The following NSMAF variants were observed in gnomAD, a reference collection of about 807,000 sequenced individuals.
The protein encoded by NSMAF is protein FAN.
NSMAF carries 90 observed loss-of-function variants against 134.9 expected under a neutral mutation model. That is an observed-to-expected ratio of 0.67 (90% CI 0.56 to 0.79). NSMAF has a LOEUF of 0.79. Among genes scored for constraint, NSMAF ranks in the 30% least tolerant of loss-of-function variants. The probability of loss-of-function intolerance (pLI) is 0.00; values close to 1 mark genes in which losing one functional copy is unlikely to be tolerated. For missense variants in NSMAF, 1,010 were observed against 1,119.0 expected, an observed-to-expected ratio of 0.90 and a Z score of 1.39; for synonymous variants, 358 against 389.6, an observed-to-expected ratio of 0.92 and a Z score of 0.96.
chr8:58,600,545 C>T (rs1046131282), intron 16 of NSMAF, among the ~76,000 whole-genome samples: 1 of 149,052 alleles, frequency 6.7e-6, no homozygotes, highest in South Asian at 2.1e-4. Context: ...ATCGCTTGAA[C>T]CCGAGGCGGA....
intron 28 of NSMAF, among the ~76,000 whole-genome samples, 161 bp from the exon 29 acceptor site, chr8:58,586,161 G>C (rs975680159): frequency 1.3e-5 from 2 of 152,084 alleles, no homozygotes; most frequent in African/African-American, 4.8e-5. Flanking sequence ...AATGGTTCTA[G>C]CCCTTTCCAA....
At position 58,597,384 on chromosome 8, in the gene NSMAF, T is replaced by G. The variant is rs1487013658; in HGVS notation, c.1792+3A>C. 6 of 1,612,264 alleles carry G rather than the reference T, an allele frequency of 3.7e-6. No individual in the cohort carries two copies. The Admixed American group carries it at 8.4e-5, about 23-fold the overall frequency. ...TCACGTTTATTCTCTTTACAAAATT[T>G]ACCTGGGGAATCTGCCATAGAAGCA... On this transcript the variant is annotated splice_donor_region_variant and intron_variant, in intron 21 of 30. Coordinates refer to ENST00000038176, the MANE Select transcript of NSMAF (RefSeq NM_003580.4).
chr8:58,604,884 C>T (rs1806369569), intron 12 of NSMAF, among the ~76,000 whole-genome samples: 1 of 152,030 alleles, frequency 6.6e-6, no homozygotes, highest in South Asian at 2.1e-4. Context: ...GCTGGGACTA[C>T]AGGCACACGC....
intron 1 of NSMAF, among the ~76,000 whole-genome samples, chr8:58,644,530 G>C (rs959320793): frequency 7.2e-5 from 11 of 152,202 alleles, no homozygotes; most frequent in Admixed American, 6.5e-4. Context: ...GTGTAAATTA[G>C]TTCAACCATT....
intron 21 of NSMAF, among the ~76,000 whole-genome samples, chr8:58,596,906 G>A (rs921705989): frequency 2.4e-4 from 36 of 151,276 alleles, no homozygotes; most frequent in African/African-American, 8.1e-4. Context: ...ACTCCAGCGT[G>A]GGGGACAAAG....
intron 22 of NSMAF, 119 bp from the exon 23 acceptor site, chr8:58,594,409 T>G: frequency 2.3e-6 from 2 of 858,014 alleles, no homozygotes; most frequent in Non-Finnish European, 3.8e-6. Context: ...ACAGCATGTC[T>G]GCCGGATCTG....
chr8:58,642,985 T>C lies in NSMAF; in HGVS notation c.148A>G (p.Arg50Gly), dbSNP rs1238193693. The C allele has an allele frequency of 6.2e-7, 1 of 1,610,598 alleles. No homozygotes were observed. The highest frequency in any genetic ancestry group is 1.1e-5 in the South Asian group (1 of 91,016). The part of the protein sequence containing the change: ...HILHKGSHHE[R>G]KIRGSLKICS... ...AAGGAGATACCGAAGCTTCCTTACCTTTCATGGTGACTGCCCTTGTGCAAA... is the reference window on the plus strand; with the variant it reads ...AAGGAGATACCGAAGCTTCCTTACCCTTCATGGTGACTGCCCTTGTGCAAA... The change falls in exon 2 of 31, where the codon AGG becomes GGG. Residue 50 changes from arginine to glycine, a missense_variant and splice_region_variant. Arg to Gly is a moderately radical substitution (Grantham distance 125). Coordinates refer to ENST00000038176, the MANE Select transcript of NSMAF (RefSeq NM_003580.4).
At chr8:58,607,246 A>G (rs1563530261) in intron 11 of NSMAF, among the ~76,000 whole-genome samples, 1 of 152,264 alleles carries the variant, frequency 6.6e-6, no homozygotes, top group African/African-American at 2.4e-5. Flanking sequence ...ATAGGACCTA[A>G]GTATAGAAAT....
intron 2 of NSMAF, among the ~76,000 whole-genome samples, chr8:58,637,042 C>CA (rs1563541180): frequency 0.015 from 2,145 of 142,464 alleles, 64 homozygotes; most frequent in African/African-American, 0.057. Flanking sequence ...ACACACACAC[C>CA]CACACACAAA....
intron 6 of NSMAF, among the ~76,000 whole-genome samples, chr8:58,627,325 C>T (rs555159158): frequency 3.7e-4 from 57 of 152,294 alleles, no homozygotes; most frequent in Non-Finnish European, 7.1e-4. Context: ...TACCCACTTT[C>T]ACCACTTCTA....
At chr8:58,659,090 G>T in intron 1 of NSMAF, 1 of 945,756 alleles carries the variant, frequency 1.1e-6, no homozygotes, top group Non-Finnish European at 1.5e-6. Flanking sequence ...TCGCCGGCCT[G>T]CTCGGTGCCG....
At chr8:58,636,278 T>C (rs1356539803) in intron 2 of NSMAF, among the ~76,000 whole-genome samples, 1 of 152,164 alleles carries the variant, frequency 6.6e-6, no homozygotes, top group Admixed American at 6.6e-5. Context: ...ACACAGAAAA[T>C]TATTGACATC....
At chr8:58,613,404 A>T (rs1255411610) in intron 9 of NSMAF, among the ~76,000 whole-genome samples, 1 of 152,198 alleles carries the variant, frequency 6.6e-6, no homozygotes, top group African/African-American at 2.4e-5. Context: ...TATTATCTGA[A>T]GGTACACTCT....
At chr8:58,597,605 A>G in intron 20 of NSMAF, 55 bp from the exon 21 acceptor site, 15 of 1,539,838 alleles carry the variant, frequency 9.7e-6, no homozygotes, top group Non-Finnish European at 1.3e-5. Flanking sequence ...GTTCCTTGAA[A>G]GCACGCATTT....
chr8:58,603,415 C>T, intron 12 of NSMAF, 29 bp from the exon 13 acceptor site: 1 of 1,608,496 alleles, frequency 6.2e-7, no homozygotes, highest in South Asian at 1.1e-5. Flanking sequence ...CGAGGTCTGC[C>T]ACTTAACTTC....
At chr8:58,603,414 C>A in intron 12 of NSMAF, 28 bp from the exon 13 acceptor site, 1 of 1,608,904 alleles carries the variant, frequency 6.2e-7, no homozygotes, top group Non-Finnish European at 8.5e-7. Context: ...ACGAGGTCTG[C>A]CACTTAACTT....
chr8:58,610,553 C>T (rs539563060), intron 9 of NSMAF, among the ~76,000 whole-genome samples: 17 of 152,108 alleles, frequency 1.1e-4, no homozygotes, highest in East Asian at 1.9e-4. Context: ...TTTTTAAAAC[C>T]GACTGGAATG....
chr8:58,628,417 G>A (rs1296940282), intron 6 of NSMAF, among the ~76,000 whole-genome samples: 2 of 152,042 alleles, frequency 1.3e-5, no homozygotes, highest in Admixed American at 6.5e-5. Flanking sequence ...CTTAACTTCA[G>A]TCACATACAA....
chr8:58,643,379 C>T (rs1807377097), intron 1 of NSMAF, among the ~76,000 whole-genome samples: 1 of 152,150 alleles, frequency 6.6e-6, no homozygotes. Context: ...CAAAGCTCAG[C>T]GCTTTCCTAC....
Sources: gnomAD v4.1 joint callset for allele counts (sites outside exome capture counted in the v4.1 genomes callset) on GRCh38, gnomAD v4.1.1 for gene constraint, MANE v1.5 for transcripts, NCBI Gene and HGNC (gene_info 2026-07-23, HGNC 2026-07-21) for gene names.